FHOD3: variants seen among roughly 807,000 people sequenced by gnomAD.
FHOD3 encodes FH1/FH2 domain-containing protein 3.
FHOD3 carries 90 observed loss-of-function variants against 173.0 expected under a neutral mutation model. That is an observed-to-expected ratio of 0.52 (90% CI 0.44 to 0.62). The LOEUF (loss-of-function observed/expected upper bound fraction) is 0.62, where lower values mean the gene tolerates loss of function less well. Among genes scored for constraint, FHOD3 ranks in the 20% least tolerant of loss-of-function variants. The pLI is 0.00. For missense variants in FHOD3, 1,945 were observed against 2,034.7 expected, an observed-to-expected ratio of 0.96 and a Z score of 0.85; for synonymous variants, 828 against 823.0, an observed-to-expected ratio of 1.01 and a Z score of -0.10.
At chr18:36,324,938 T>C (rs972723194) in intron 1 of FHOD3, among the ~76,000 whole-genome samples, 4 of 152,134 alleles carry the variant, frequency 2.6e-5, no homozygotes, top group African/African-American at 7.2e-5. Flanking sequence ...TGTTCATCAA[T>C]AGTGGAATTG....
intron 19 of FHOD3, among the ~76,000 whole-genome samples, chr18:36,726,000 A>G (rs1229328434): frequency 6.6e-6 from 1 of 152,106 alleles, no homozygotes; most frequent in Non-Finnish European, 1.5e-5. Context: ...TTTCATACAT[A>G]TATTCTTTCA....
At chr18:36,372,629 G>A in intron 2 of FHOD3, 51 bp from the exon 3 acceptor site, 1 of 1,506,322 alleles carries the variant, frequency 6.6e-7, no homozygotes, top group South Asian at 1.1e-5. Flanking sequence ...AGCATGTGAG[G>A]TGTCTCTGCT....
intron 4 of FHOD3, among the ~76,000 whole-genome samples, chr18:36,508,977 G>A (rs961042957): frequency 5.9e-5 from 9 of 152,072 alleles, no homozygotes; most frequent in African/African-American, 1.2e-4. Flanking sequence ...TCAATGATGC[G>A]GTCAAGCCAA....
intron 3 of FHOD3, among the ~76,000 whole-genome samples, chr18:36,416,340 A>G (rs1224342094): frequency 1.3e-5 from 2 of 152,166 alleles, no homozygotes; most frequent in African/African-American, 2.4e-5. Flanking sequence ...CCCAGGTGTC[A>G]TTTCTTAACC....
intron 10 of FHOD3, among the ~76,000 whole-genome samples, chr18:36,644,514 C>T (rs1282936715): frequency 1.3e-5 from 2 of 152,206 alleles, no homozygotes; most frequent in Admixed American, 6.5e-5. Context: ...GACGTAGGCC[C>T]TCCAAGTGGG....
chr18:36,508,424 A>G (rs539843148), intron 4 of FHOD3, among the ~76,000 whole-genome samples: 1 of 152,276 alleles, frequency 6.6e-6, no homozygotes, highest in South Asian at 2.1e-4. Context: ...AATAAAATAA[A>G]CTAATTAACT....
intron 3 of FHOD3, among the ~76,000 whole-genome samples, chr18:36,487,912 C>T (rs185475824): frequency 5.3e-4 from 80 of 152,294 alleles, no homozygotes; most frequent in Middle Eastern, 3.4e-3. Flanking sequence ...TTAATGTGTA[C>T]AAACCTTAGG....
intron 1 of FHOD3, among the ~76,000 whole-genome samples, chr18:36,322,390 G>A (rs536174601): frequency 6.6e-6 from 1 of 152,182 alleles, no homozygotes; most frequent in African/African-American, 2.4e-5. Flanking sequence ...CAGAAGGGCA[G>A]TAAGTTGTCT....
At chr18:36,548,319 T>C (rs1325872175) in intron 5 of FHOD3, among the ~76,000 whole-genome samples, 1 of 152,236 alleles carries the variant, frequency 6.6e-6, no homozygotes, top group Non-Finnish European at 1.5e-5. Flanking sequence ...CAATTTGTTA[T>C]GGTGATATTT....
At chr18:36,695,232 A>G (rs557448164) in intron 17 of FHOD3, among the ~76,000 whole-genome samples, 60 of 151,954 alleles carry the variant, frequency 3.9e-4, no homozygotes, top group African/African-American at 1.4e-3. Flanking sequence ...CATGCCTGTA[A>G]TCTCAGCTAC....
intron 3 of FHOD3, among the ~76,000 whole-genome samples, chr18:36,383,431 T>C (rs949792921): frequency 3.3e-5 from 5 of 152,184 alleles, no homozygotes; most frequent in Non-Finnish European, 7.3e-5. Flanking sequence ...ATTCCATTTA[T>C]CGTCCTGACA....
At position 36,500,440 on chromosome 18, in the gene FHOD3, G is replaced by A. The variant is rs371419756; in HGVS notation, c.338-1492G>A. Among the ~76,000 whole-genome samples, 6 of 152,186 alleles carry A rather than the reference G, an allele frequency of 3.9e-5. No homozygotes were observed. In the South Asian group the frequency reaches 1.0e-3, roughly 26 times the overall value. On this transcript the variant is annotated intron_variant, in intron 3 of 28. Coordinates refer to ENST00000590592, the MANE Select transcript of FHOD3 (RefSeq NM_001281740.3). ...ATTTGTTCCATGCCACTTGCACAAG[G>A]GGGGAATGTGGCTCTGCCCTGTATC...
intron 3 of FHOD3, among the ~76,000 whole-genome samples, chr18:36,396,808 TA>T (rs560323330): frequency 1.0e-3 from 158 of 152,310 alleles, no homozygotes; most frequent in African/African-American, 3.4e-3. Flanking sequence ...TTGACCTTGA[TA>T]TTTTTATGTT....
intron 3 of FHOD3, among the ~76,000 whole-genome samples, chr18:36,476,398 G>A (rs564588431): frequency 6.6e-6 from 1 of 152,336 alleles, no homozygotes; most frequent in African/African-American, 2.4e-5. Context: ...CAGGACTGTG[G>A]GATGGGGCCT....
chr18:36,671,836 A>T (rs2037553704), intron 14 of FHOD3, among the ~76,000 whole-genome samples: 1 of 152,230 alleles, frequency 6.6e-6, no homozygotes, highest in Non-Finnish European at 1.5e-5. Context: ...TCCCAAAGGC[A>T]ACAAGGGAGT....
intron 3 of FHOD3, among the ~76,000 whole-genome samples, chr18:36,448,825 C>G (rs1477672473): frequency 6.6e-6 from 1 of 152,118 alleles, no homozygotes; most frequent in Admixed American, 6.5e-5. Flanking sequence ...GAAATTTGTC[C>G]TTTTGGCCTT....
At chr18:36,311,832 G>T (rs1382809210) in intron 1 of FHOD3, among the ~76,000 whole-genome samples, 1 of 152,204 alleles carries the variant, frequency 6.6e-6, no homozygotes, top group African/African-American at 2.4e-5. Context: ...GGGGGGAGGG[G>T]GGACAGGTGC....
intron 3 of FHOD3, among the ~76,000 whole-genome samples, chr18:36,474,025 G>A (rs2053427435): frequency 2.0e-5 from 3 of 152,212 alleles, no homozygotes; most frequent in Admixed American, 1.3e-4. Context: ...TGACATCCAG[G>A]TTCTCTAAGT....
At chr18:36,594,701 C>T in intron 6 of FHOD3, 86 bp from the exon 7 acceptor site, 2 of 826,860 alleles carry the variant, frequency 2.4e-6, no homozygotes, top group East Asian at 2.6e-5. Flanking sequence ...CTAGGAAGTG[C>T]TGGGTGCCCG....
Sources: gnomAD v4.1 joint callset for allele counts (sites outside exome capture counted in the v4.1 genomes callset) on GRCh38, gnomAD v4.1.1 for gene constraint, MANE v1.5 for transcripts, NCBI Gene and HGNC (gene_info 2026-07-23, HGNC 2026-07-21) for gene names.